ATP2B2: variants seen among roughly 807,000 people sequenced by gnomAD.
The protein encoded by ATP2B2 is ATPase plasma membrane Ca2+ transporting 2.
ATP2B2 carries 15 observed loss-of-function variants against 120.0 expected under a neutral mutation model. That is an observed-to-expected ratio of 0.12 (90% CI 0.08 to 0.19). The LOEUF (loss-of-function observed/expected upper bound fraction) is 0.19. Among genes scored for constraint, ATP2B2 ranks in the 10% least tolerant of loss-of-function variants. The pLI is 1.00. For missense variants in ATP2B2, 1,045 were observed against 1,719.8 expected (o/e 0.61, Z 6.94); for synonymous variants, 694 against 700.3 (o/e 0.99, Z 0.14).
At chr3:10,416,584 C>G (rs1286910162) in intron 2 of ATP2B2, among the ~76,000 whole-genome samples, 2 of 152,100 alleles carry the variant, frequency 1.3e-5, no homozygotes, top group African/African-American at 4.8e-5. Flanking sequence ...GTTTGAGAGC[C>G]GTCTGACAAA....
chr3:10,396,761 C>T (rs1308804067), intron 5 of ATP2B2, among the ~76,000 whole-genome samples: 1 of 151,904 alleles, frequency 6.6e-6, no homozygotes, highest in Non-Finnish European at 1.5e-5. Flanking sequence ...AAAGGGGAGA[C>T]ATTTGAGATG....
At chr3:10,357,259 G>C (rs1338648522) in intron 14 of ATP2B2, among the ~76,000 whole-genome samples, 1 of 152,126 alleles carries the variant, frequency 6.6e-6, no homozygotes, top group African/African-American at 2.4e-5. Context: ...ATCCCAGAGG[G>C]GGTGTGTGTG....
intron 12 of ATP2B2, among the ~76,000 whole-genome samples, chr3:10,368,396 C>T (rs185404497): frequency 3.9e-5 from 6 of 152,210 alleles, no homozygotes; most frequent in Admixed American, 2.0e-4. Flanking sequence ...AGACATCAGT[C>T]CTGCCTTAAG....
intron 2 of ATP2B2, among the ~76,000 whole-genome samples, chr3:10,582,707 T>C (rs2068419560): frequency 6.6e-6 from 1 of 152,138 alleles, no homozygotes. Context: ...ACGGTAAGTG[T>C]AGAGTCCCAG....
At chr3:10,420,361 CTT>C (rs57911821) in intron 2 of ATP2B2, among the ~76,000 whole-genome samples, 6,657 of 139,878 alleles carry the variant, frequency 0.048, 232 homozygotes, top group African/African-American at 0.099. Context: ...CTTGGTTTCA[CTT>C]TTTTTTTTTT....
In ATP2B2 at chr3:10,326,242, GACAA is replaced by G. The variant is rs59344515; in HGVS notation, c.*2568_*2571del. ...AGCTTTATGTACTACAGTGAGTTTT[GACAA>G]ACCAACCATTTCGTGTGTGTGTGTG... On this transcript the variant is annotated 3_prime_UTR_variant, in exon 23 of 23. Transcript: ENST00000360273. 8.3e-3 allele frequency: 1,283 copies of G among 153,724 alleles called. 9 individuals carry two copies. Among genetic ancestry groups the G allele is most frequent in the Middle Eastern group, 0.04 (12 of 298 alleles). The allele number at this position is 153,724 out of a possible 1,614,324, so 9.5% of individuals were successfully genotyped here.
At chr3:10,448,581 CTG>C (rs1241418442) in intron 2 of ATP2B2, among the ~76,000 whole-genome samples, 1 of 152,212 alleles carries the variant, frequency 6.6e-6, no homozygotes, top group Non-Finnish European at 1.5e-5. Context: ...CTGAAACACA[CTG>C]TAGAGATTCC....
chr3:10,706,068 T>C (rs2071891464), intron 1 of ATP2B2, among the ~76,000 whole-genome samples: 1 of 152,226 alleles, frequency 6.6e-6, no homozygotes, highest in South Asian at 2.1e-4. Context: ...TGAGAGTGCT[T>C]AGTAAGTGCT....
intron 5 of ATP2B2, 85 bp from the exon 6 acceptor site, chr3:10,388,487 C>T: frequency 1.9e-6 from 3 of 1,596,604 alleles, no homozygotes; most frequent in African/African-American, 2.7e-5. Flanking sequence ...TCTCAGTCAG[C>T]TCCTGGCTCT....
intron 1 of ATP2B2, among the ~76,000 whole-genome samples, chr3:10,652,971 G>A (rs1320780870): frequency 6.6e-5 from 10 of 152,238 alleles, no homozygotes; most frequent in East Asian, 1.9e-4. Flanking sequence ...TGGGTACAGC[G>A]TTTCAGTTAA....
intron 1 of ATP2B2, among the ~76,000 whole-genome samples, chr3:10,469,545 C>T (rs938132491): frequency 6.6e-6 from 1 of 152,200 alleles, no homozygotes; most frequent in South Asian, 2.1e-4. Context: ...CAGCGTCAGG[C>T]CCCCTGAGGG....
rs978318269 is a variant in ATP2B2, at chr3:10,449,602, C to T, written c.-59G>A. ...GGGTCAGCGCTGGACAAGAGGCTGC[C>T]GGGTGATGGCTGCTTGTGGCTGTCC... On this transcript the variant is annotated 5_prime_UTR_variant, in exon 2 of 23. Transcript: ENST00000360273. 21 of 1,598,028 alleles carry T rather than the reference C, an allele frequency of 1.3e-5. No individual in the cohort carries two copies. Among genetic ancestry groups the T allele is most frequent in the South Asian group, 5.5e-5 (5 of 90,608 alleles).
intron 2 of ATP2B2, among the ~76,000 whole-genome samples, chr3:10,442,469 G>A (rs886663708): frequency 6.6e-5 from 10 of 152,160 alleles, no homozygotes; most frequent in Non-Finnish European, 1.5e-5. Context: ...TATGACCATC[G>A]ATAGCATGCA....
chr3:10,538,611 A>T lies in ATP2B2; in HGVS notation c.-414-4478T>A, dbSNP rs559777118. Among the ~76,000 whole-genome samples, 6 of 152,322 alleles carry T rather than the reference A, an allele frequency of 3.9e-5. No homozygotes were observed. In the East Asian group the frequency reaches 7.7e-4, roughly 20 times the overall value. On this transcript the variant is annotated intron_variant, in intron 2 of 21. Transcript: ENST00000646379. The stretch of plus-strand genomic sequence containing the variant: ...AAATGTAATCCAGCATATTAACAGA[A>T]CCAAAGACAAAAACCACTTGACTGT...
At chr3:10,332,488 T>G (rs1201342681) in intron 22 of ATP2B2, among the ~76,000 whole-genome samples, 3 of 152,208 alleles carry the variant, frequency 2.0e-5, no homozygotes, top group African/African-American at 7.2e-5. Context: ...GATCGAAGTG[T>G]GGGATGCTAA....
chr3:10,385,170 T>G, intron 8 of ATP2B2, 98 bp downstream of exon 8: 1 of 1,217,072 alleles, frequency 8.2e-7, no homozygotes, highest in East Asian at 2.4e-5. Flanking sequence ...ACATCCGAGA[T>G]CTGTGCAGTC....
At chr3:10,515,219 T>C (rs904360670) in intron 3 of ATP2B2, among the ~76,000 whole-genome samples, 2 of 152,144 alleles carry the variant, frequency 1.3e-5, no homozygotes, top group Non-Finnish European at 2.9e-5. Flanking sequence ...ATCTGTAAAG[T>C]GGGGCTAACA....
intron 12 of ATP2B2, among the ~76,000 whole-genome samples, chr3:10,371,102 G>A (rs2061227682): frequency 6.6e-6 from 1 of 152,200 alleles, no homozygotes; most frequent in South Asian, 2.1e-4. Flanking sequence ...TCATCAAGAG[G>A]TGAAGTTTAT....
chr3:10,630,857 C>A (rs142373558), intron 1 of ATP2B2, among the ~76,000 whole-genome samples: 25 of 137,004 alleles, frequency 1.8e-4, no homozygotes, highest in Non-Finnish European at 3.6e-4. Context: ...GGGTGGGGGG[C>A]GGTGAGCACA....
Sources: allele counts gnomAD v4.1 joint callset (sites outside exome capture counted in the v4.1 genomes callset), GRCh38; gene constraint gnomAD v4.1.1; transcripts MANE v1.5; gene names NCBI Gene and HGNC (gene_info 2026-07-23, HGNC 2026-07-21).